Variants in VWC2L observed in about 807,000 individuals in gnomAD.
VWC2L encodes the protein von Willebrand factor C domain containing 2 like.
In VWC2L, 10 loss-of-function variants were observed where a neutral mutation model predicts 21.6. That is an observed-to-expected ratio of 0.46 (90% CI 0.29 to 0.78). The LOEUF (loss-of-function observed/expected upper bound fraction) is 0.78. VWC2L is among the 30% of genes least tolerant of loss of function. The pLI is 0.10. For missense variants in VWC2L, 209 were observed against 277.1 expected (o/e 0.75, Z 1.74); for synonymous variants, 96 against 94.3 (o/e 1.02, Z -0.10).
intron 3 of VWC2L, among the ~76,000 whole-genome samples, chr2:214,478,709 A>G (rs79261447): frequency 0.016 from 2,429 of 152,234 alleles, 55 homozygotes; most frequent in African/African-American, 0.055. Context: ...CCTCTGTCGC[A>G]TAGCCCACAG....
In VWC2L at chr2:214,478,943, G is replaced by A. The variant is rs528613767; in HGVS notation, c.520+42185G>A. ...ATATTTCAAAGCTCTCACTTCTGCC[G>A]CCTCATTAGGCTTGGGATTAGGAAC... On this transcript the variant is annotated intron_variant, in intron 3 of 3. Coordinates refer to ENST00000312504, the MANE Select transcript of VWC2L (RefSeq NM_001080500.4). Among the ~76,000 whole-genome samples, 270 of 152,244 alleles carry A rather than the reference G, an allele frequency of 1.8e-3. 1 individual carries two copies. The highest frequency in any genetic ancestry group is 6.0e-3 in the African/African-American group (249 of 41,552).
chr2:214,545,110 A>G (rs962061207), intron 3 of VWC2L, among the ~76,000 whole-genome samples: 3 of 152,198 alleles, frequency 2.0e-5, no homozygotes, highest in Non-Finnish European at 4.4e-5. Context: ...GAAAACTACC[A>G]TGAAAAGCAA....
intron 2 of VWC2L, among the ~76,000 whole-genome samples, chr2:214,419,415 C>T (rs1702401329): frequency 6.6e-6 from 1 of 152,160 alleles, no homozygotes; most frequent in Admixed American, 6.5e-5. Flanking sequence ...TTATTTTGCT[C>T]AGTATTTTTA....
At chr2:214,537,467 T>A (rs2105919242) in intron 3 of VWC2L, among the ~76,000 whole-genome samples, 1 of 151,692 alleles carries the variant, frequency 6.6e-6, no homozygotes, top group Non-Finnish European at 1.5e-5. Context: ...GCAAAATCTA[T>A]AACAATCAAA....
intron 3 of VWC2L, among the ~76,000 whole-genome samples, chr2:214,502,563 C>A (rs1293118400): frequency 7.0e-6 from 1 of 142,300 alleles, no homozygotes; most frequent in Non-Finnish European, 1.6e-5. Context: ...GAGCGAGACT[C>A]CACGTCAAAA....
In VWC2L at chr2:214,575,654, T is replaced by C. The variant is rs1690218411; in HGVS notation, c.521-18T>C. Reference sequence around the variant, plus strand: ...CTCTCAGATTTAATCAACTAATCAATGTATCTGTGTGTTTCAGGTCCAAAC... The same window carrying C: ...CTCTCAGATTTAATCAACTAATCAACGTATCTGTGTGTTTCAGGTCCAAAC... On this transcript the variant is annotated intron_variant, in intron 3 of 3. Transcript: ENST00000312504. 6.2e-7 allele frequency: 1 copy of C among 1,612,048 alleles called. No homozygotes were observed. The highest frequency in any genetic ancestry group is 8.5e-7 in the Non-Finnish European group (1 of 1,178,550).
At chr2:214,499,659 A>G (rs1046386895) in intron 3 of VWC2L, among the ~76,000 whole-genome samples, 1 of 152,240 alleles carries the variant, frequency 6.6e-6, no homozygotes, top group African/African-American at 2.4e-5. Flanking sequence ...GATTTAAAAA[A>G]TTTTAAAAAA....
At chr2:214,537,175 A>G (rs895452879) in intron 3 of VWC2L, among the ~76,000 whole-genome samples, 5 of 152,034 alleles carry the variant, frequency 3.3e-5, no homozygotes, top group African/African-American at 1.2e-4. Flanking sequence ...CCCTACCCCA[A>G]TAGTTTGTAA....
Position 214,414,589 on chromosome 2 carries a change from C to A in VWC2L, c.390+6C>A, listed in dbSNP as rs772972126. ...AAATCTTGGAGGAATTTAAGGTATG[C>A]GTTACCCTCCATATTTATTGAAATA... On this transcript the variant is annotated splice_donor_region_variant and intron_variant, in intron 2 of 3. Transcript: ENST00000312504. 28 of 1,609,078 alleles carry A rather than the reference C, an allele frequency of 1.7e-5. No homozygotes were observed. The highest frequency in any genetic ancestry group is 2.4e-5 in the Non-Finnish European group (28 of 1,178,568).
chr2:214,493,419 A>C (rs1204011280), intron 3 of VWC2L, among the ~76,000 whole-genome samples: 1 of 152,220 alleles, frequency 6.6e-6, no homozygotes, highest in East Asian at 1.9e-4. Context: ...GTAAAATTTT[A>C]TGCATGGCTA....
At chr2:214,487,716 A>G (rs990563980) in intron 3 of VWC2L, among the ~76,000 whole-genome samples, 2 of 152,214 alleles carry the variant, frequency 1.3e-5, no homozygotes, top group Admixed American at 6.5e-5. Flanking sequence ...TGTACAGTCC[A>G]GCATAAAGAA....
intron 2 of VWC2L, among the ~76,000 whole-genome samples, chr2:214,432,617 C>G (rs889381745): frequency 1.3e-5 from 2 of 151,870 alleles, no homozygotes; most frequent in Non-Finnish European, 2.9e-5. Flanking sequence ...GTTGCCTAAA[C>G]CAATATTTAT....
Position 214,445,573 on chromosome 2 carries a change from A to G in VWC2L, c.520+8815A>G, listed in dbSNP as rs146024058. On this transcript the variant is annotated intron_variant, in intron 3 of 3. Coordinates refer to ENST00000312504, the MANE Select transcript of VWC2L (RefSeq NM_001080500.4). ...TATATAGAGAGACCCTATTTTTACTAAAAAGAAAATACATGTATAGGAAAA... is the reference window on the plus strand; with the variant it reads ...TATATAGAGAGACCCTATTTTTACTGAAAAGAAAATACATGTATAGGAAAA... Among the ~76,000 whole-genome samples, 9 of 151,806 alleles carry G rather than the reference A, an allele frequency of 5.9e-5. No individual in the cohort carries two copies. In the South Asian group the frequency reaches 1.3e-3, roughly 21 times the overall value.
chr2:214,429,930 T>G (rs1702575338), intron 2 of VWC2L, among the ~76,000 whole-genome samples: 1 of 152,130 alleles, frequency 6.6e-6, no homozygotes, highest in Non-Finnish European at 1.5e-5. Context: ...TTCAAGCAAT[T>G]CTACTGCCTC....
chr2:214,416,767 A>AATAGCC (rs1702363564), intron 2 of VWC2L, among the ~76,000 whole-genome samples: 1 of 152,062 alleles, frequency 6.6e-6, no homozygotes, highest in Admixed American at 6.6e-5. Flanking sequence ...TTGACCATAA[A>AATAGCC]ATAGCCATTG....
chr2:214,573,491 C>T (rs756606803), intron 3 of VWC2L, among the ~76,000 whole-genome samples: 5 of 152,252 alleles, frequency 3.3e-5, no homozygotes, highest in South Asian at 2.1e-4. Flanking sequence ...CTGCCTCCTC[C>T]GGTTTGACTC....
At chr2:214,499,025 T>C (rs891277979) in intron 3 of VWC2L, among the ~76,000 whole-genome samples, 107 of 138,902 alleles carry the variant, frequency 7.7e-4, no homozygotes, top group Middle Eastern at 3.5e-3. Context: ...TTTTTTTTTT[T>C]TTTTTTTTTT....
chr2:214,426,977 C>T (rs1292053248), intron 2 of VWC2L, among the ~76,000 whole-genome samples: 1 of 152,150 alleles, frequency 6.6e-6, no homozygotes, highest in Non-Finnish European at 1.5e-5. Context: ...GCTTCTAAGG[C>T]ACATTCCTAT....
At position 214,578,517 on chromosome 2, in the gene VWC2L, C is replaced by T. The variant is rs1246953920; in HGVS notation, c.*2697C>T. 1 of 152,164 alleles carries T rather than the reference C, an allele frequency of 6.6e-6. No individual in the cohort carries two copies. Among genetic ancestry groups the T allele is most frequent in the Non-Finnish European group, 1.5e-5 (1 of 68,024 alleles). 9.4% of individuals were successfully genotyped at this position (152,164 alleles called of 1,614,324 possible). A position where few individuals can be genotyped will look rare whatever the true frequency, so the allele number is the denominator to read the frequency against. On this transcript the variant is annotated 3_prime_UTR_variant, in exon 4 of 4. Coordinates refer to ENST00000312504, the MANE Select transcript of VWC2L (RefSeq NM_001080500.4). Reference sequence around the variant, plus strand: ...TTCCTTTAAGATTTTGTAGCACTGACATTTTTCCCCCTTTAGGGAGAGATG... The same window carrying T: ...TTCCTTTAAGATTTTGTAGCACTGATATTTTTCCCCCTTTAGGGAGAGATG...
Sources: allele counts gnomAD v4.1 joint callset (sites outside exome capture counted in the v4.1 genomes callset), GRCh38; gene constraint gnomAD v4.1.1; transcripts MANE v1.5; gene names NCBI Gene and HGNC (gene_info 2026-07-23, HGNC 2026-07-21).